The following STK3 variants were observed in gnomAD, a reference collection of about 807,000 sequenced individuals.
The protein encoded by STK3 is serine/threonine kinase 3, also known as serine/threonine-protein kinase 3.
STK3 carries 41 observed loss-of-function variants against 58.0 expected under a neutral mutation model. That is an observed-to-expected ratio of 0.71 (90% confidence interval 0.55 to 0.92). The LOEUF (loss-of-function observed/expected upper bound fraction) is 0.92. Ranked by LOEUF, STK3 falls within the 40% of genes least tolerant of loss-of-function variation. The pLI, the probability that STK3 is intolerant of heterozygous loss-of-function variation, is 0.00. For missense variants in STK3, 479 were observed against 602.7 expected (o/e 0.79, Z 2.15); for synonymous variants, 170 against 191.0 (o/e 0.89, Z 0.91).
the STK3 span, among the ~76,000 whole-genome samples, chr8:98,364,198 T>G: frequency 6.6e-6 from 1 of 152,146 alleles, no homozygotes; most frequent in Non-Finnish European, 1.5e-5. Context: ...GAGGGTCGTC[T>G]TGGCGTTAGG....
At chr8:98,805,933 CACT>C (rs1440535781) in intron 1 of STK3, among the ~76,000 whole-genome samples, 4 of 152,080 alleles carry the variant, frequency 2.6e-5, no homozygotes, top group Admixed American at 6.5e-5. Context: ...TCACTTCTAC[CACT>C]GTCCCCACCC....
chr8:98,713,853 C>T (rs907034027), intron 4 of STK3, among the ~76,000 whole-genome samples: 4 of 152,118 alleles, frequency 2.6e-5, no homozygotes, highest in African/African-American at 7.2e-5. Flanking sequence ...ACCAATATCC[C>T]TGATGAACAT....
intron 1 of STK3, among the ~76,000 whole-genome samples, chr8:98,803,191 T>C (rs1311305616): frequency 1.3e-5 from 2 of 152,202 alleles, no homozygotes; most frequent in African/African-American, 2.4e-5. Flanking sequence ...ATTTGCCTGA[T>C]TCAATAATTA....
In STK3 at chr8:98,535,589, C is replaced by T. The variant is rs201792116; in HGVS notation, c.1142-8672G>A. On this transcript the variant is annotated intron_variant, in intron 9 of 10. Transcript: ENST00000419617. The stretch of plus-strand genomic sequence containing the variant: ...ACAAACTCCCCAGTGCTGTAATAAA[C>T]AGTCAGGGTTCTCTTGATATACCAC... 2.6e-5 allele frequency among the ~76,000 whole-genome samples: 4 copies of T among 152,018 alleles called. No homozygotes were observed. In the East Asian group the frequency reaches 5.8e-4, roughly 22 times the overall value.
chr8:98,401,756 T>A (rs1409451534), intron 3 of STK3, among the ~76,000 whole-genome samples: 1 of 152,182 alleles, frequency 6.6e-6, no homozygotes, highest in African/African-American at 2.4e-5. Flanking sequence ...TCATCTCCTC[T>A]CAGGTTGCTC....
intron 6 of STK3, among the ~76,000 whole-genome samples, chr8:98,693,557 T>C (rs968766678): frequency 6.6e-6 from 1 of 151,814 alleles, no homozygotes; most frequent in African/African-American, 2.4e-5. Context: ...GTAGAGCCCC[T>C]TGAGGGAGTA....
chr8:98,559,406 G>A (rs770400285), intron 8 of STK3, among the ~76,000 whole-genome samples: 1 of 152,130 alleles, frequency 6.6e-6, no homozygotes, highest in Admixed American at 6.5e-5. Context: ...GTATTCCATG[G>A]TGAACACAGA....
intron 2 of STK3, among the ~76,000 whole-genome samples, chr8:98,372,955 A>G (rs1250467121): frequency 3.3e-5 from 5 of 152,194 alleles, no homozygotes; most frequent in Non-Finnish European, 5.9e-5. Flanking sequence ...GATAAATATT[A>G]TCAGTCTTAC....
In STK3 at chr8:98,845,023, G is replaced by A. The variant is rs1836150377; in HGVS notation, c.110+38624C>T. ...GGCAATGACTTGAGATTGTCACTTAGTTCCTTCTGGATCCCTGGACTTGCT... is the reference window on the plus strand; with the variant it reads ...GGCAATGACTTGAGATTGTCACTTAATTCCTTCTGGATCCCTGGACTTGCT... On this transcript the variant is annotated intron_variant, in intron 3 of 12. Coordinates refer to the STK3 transcript ENST00000523601. Among the ~76,000 whole-genome samples, 3 of 152,170 alleles carry A rather than the reference G, an allele frequency of 2.0e-5. No homozygotes were observed. The South Asian group carries it at 6.2e-4, about 32-fold the overall frequency.
chr8:98,626,012 C>T (rs1024507745), intron 6 of STK3, among the ~76,000 whole-genome samples: 2 of 152,112 alleles, frequency 1.3e-5, no homozygotes, highest in Non-Finnish European at 2.9e-5. Flanking sequence ...TTTTCTCTTC[C>T]CTTTATTACA....
At chr8:98,683,331 T>C (rs958668348) in intron 6 of STK3, among the ~76,000 whole-genome samples, 3 of 152,126 alleles carry the variant, frequency 2.0e-5, no homozygotes, top group Non-Finnish European at 4.4e-5. Flanking sequence ...TTTATTTCAT[T>C]GATTCTTATG....
intron 1 of STK3, among the ~76,000 whole-genome samples, chr8:98,927,973 T>C (rs1302086343): frequency 6.6e-6 from 1 of 152,222 alleles, no homozygotes; most frequent in Non-Finnish European, 1.5e-5. Context: ...ACTCCCTTTA[T>C]TGCTTAAACT....
chr8:98,790,324 A>C (rs35909859), intron 1 of STK3, among the ~76,000 whole-genome samples: 4 of 152,326 alleles, frequency 2.6e-5, no homozygotes, highest in African/African-American at 9.6e-5. Flanking sequence ...AAGATAATCC[A>C]CCATGATCAA....
intron 6 of STK3, among the ~76,000 whole-genome samples, chr8:98,664,133 A>G (rs1319260474): frequency 6.6e-6 from 1 of 152,218 alleles, no homozygotes; most frequent in Non-Finnish European, 1.5e-5. Flanking sequence ...ATTAATGAAT[A>G]TATCTACATA....
At chr8:98,602,921 C>T (rs1424788181) in intron 6 of STK3, among the ~76,000 whole-genome samples, 1 of 148,848 alleles carries the variant, frequency 6.7e-6, no homozygotes, top group Non-Finnish European at 1.5e-5. Flanking sequence ...CCAAATATAT[C>T]TAAAGATAGT....
At chr8:98,652,546 A>G (rs1015713547) in intron 6 of STK3, among the ~76,000 whole-genome samples, 1 of 147,752 alleles carries the variant, frequency 6.8e-6, no homozygotes, top group African/African-American at 2.5e-5. Context: ...CAAATTGGAT[A>G]AAGAGTCAAG....
intron 6 of STK3, among the ~76,000 whole-genome samples, chr8:98,696,466 C>A (rs1228054894): frequency 1.3e-5 from 2 of 151,578 alleles, no homozygotes; most frequent in African/African-American, 4.9e-5. Flanking sequence ...CAGTTTTTGC[C>A]CATTCAGTAT....
intron 9 of STK3, 53 bp downstream of exon 9, chr8:98,547,916 A>C: frequency 7.0e-7 from 1 of 1,437,422 alleles, no homozygotes; most frequent in Non-Finnish European, 9.2e-7. Flanking sequence ...GGTTCCTATA[A>C]AAGTATCCTT....
intron 1 of STK3, among the ~76,000 whole-genome samples, chr8:98,793,753 CT>C (rs1420350259): frequency 6.6e-6 from 1 of 152,014 alleles, no homozygotes; most frequent in Non-Finnish European, 1.5e-5. Context: ...CTGTTCTCGT[CT>C]GCACATGGAA....
Sources: gnomAD v4.1 joint callset for allele counts (sites outside exome capture counted in the v4.1 genomes callset) on GRCh38, gnomAD v4.1.1 for gene constraint, MANE v1.5 for transcripts, NCBI Gene and HGNC (gene_info 2026-07-23, HGNC 2026-07-21) for gene names.